The following PBX1 variants were observed in gnomAD, a reference collection of about 807,000 sequenced individuals.
PBX1 encodes PBX homeobox 1.
In PBX1, 6 loss-of-function variants were observed where a neutral mutation model predicts 53.4. The ratio of observed to expected loss-of-function variants is 0.11; its 90% confidence interval spans 0.06 to 0.22. The LOEUF (loss-of-function observed/expected upper bound fraction) is 0.22. Among genes scored for constraint, PBX1 ranks in the 10% least tolerant of loss-of-function variants. The probability of loss-of-function intolerance (pLI) is 1.00; values close to 1 mark genes in which losing one functional copy is unlikely to be tolerated. For missense variants in PBX1, 251 were observed against 551.4 expected, an observed-to-expected ratio of 0.46 and a Z score of 5.46; for synonymous variants, 204 against 212.3, an observed-to-expected ratio of 0.96 and a Z score of 0.34.
chr1:164,723,169 C>T (rs111740099), intron 2 of PBX1, among the ~76,000 whole-genome samples: 1 of 152,172 alleles, frequency 6.6e-6, no homozygotes, highest in African/African-American at 2.4e-5. Flanking sequence ...ATGCATCTGT[C>T]ACCCCCAAAT....
chr1:164,636,914 A>T (rs1658819086), intron 2 of PBX1, among the ~76,000 whole-genome samples: 1 of 152,104 alleles, frequency 6.6e-6, no homozygotes, highest in African/African-American at 2.4e-5. Flanking sequence ...TGGTAGGAGG[A>T]TGGCTTAGGA....
chr1:164,603,006 C>A (rs1213252119), intron 2 of PBX1, among the ~76,000 whole-genome samples: 1 of 152,084 alleles, frequency 6.6e-6, no homozygotes, highest in Non-Finnish European at 1.5e-5. Context: ...CTCCTTTCTT[C>A]TTTTTTCGTC....
chr1:164,805,665 A>C (rs1669314414), intron 4 of PBX1, among the ~76,000 whole-genome samples: 1 of 152,226 alleles, frequency 6.6e-6, no homozygotes, highest in Non-Finnish European at 1.5e-5. Context: ...TAGGCGAAGA[A>C]GAAAGAGAAG....
At chr1:164,636,601 G>A (rs1658797083) in intron 2 of PBX1, among the ~76,000 whole-genome samples, 1 of 152,080 alleles carries the variant, frequency 6.6e-6, no homozygotes, top group Non-Finnish European at 1.5e-5. Flanking sequence ...ATTGAACTTT[G>A]GACACCTAGT....
At chr1:164,575,036 T>C (rs575366703) in intron 2 of PBX1, among the ~76,000 whole-genome samples, 1 of 152,286 alleles carries the variant, frequency 6.6e-6, no homozygotes, top group East Asian at 1.9e-4. Context: ...TGGAGGCCAA[T>C]CCCAGTTTAA....
chr1:164,807,746 AG>A, intron 5 of PBX1, 69 bp downstream of exon 5: 1 of 1,555,694 alleles, frequency 6.4e-7, no homozygotes, highest in Non-Finnish European at 8.7e-7. Context: ...AGGCTCTTAG[AG>A]GTCTTGCTTT....
At position 164,798,250 on chromosome 1, in the gene PBX1, T is replaced by C. The variant is rs61802577; in HGVS notation, c.511-1449T>C. 7.7e-4 allele frequency among the ~76,000 whole-genome samples: 118 copies of C among 152,374 alleles called. 1 individual carries two copies. Among genetic ancestry groups the C allele is most frequent in the Non-Finnish European group, 1.1e-3 (77 of 68,040 alleles). Reference sequence around the variant, plus strand: ...GTCTACTATTGTTATTGTTATTGCGTTGTCGACACATATGACAACGGCAAT... The same window carrying C: ...GTCTACTATTGTTATTGTTATTGCGCTGTCGACACATATGACAACGGCAAT... On this transcript the variant is annotated intron_variant, in intron 3 of 8. Transcript: ENST00000420696.
At chr1:164,865,905 T>C (rs889339308) in intron 2 of PBX1, among the ~76,000 whole-genome samples, 4 of 152,172 alleles carry the variant, frequency 2.6e-5, no homozygotes, top group African/African-American at 9.7e-5. Flanking sequence ...CTTTGCTGCA[T>C]TAAAGTAAAA....
At chr1:164,648,037 G>C (rs1185679911) in intron 2 of PBX1, among the ~76,000 whole-genome samples, 2 of 151,954 alleles carry the variant, frequency 1.3e-5, no homozygotes, top group South Asian at 4.2e-4. Flanking sequence ...GGAAGGTCTC[G>C]ATCTCCTGAC....
At chr1:164,580,270 G>A (rs1274227601) in intron 2 of PBX1, among the ~76,000 whole-genome samples, 1 of 150,766 alleles carries the variant, frequency 6.6e-6, no homozygotes. Context: ...TCTGTTTTTA[G>A]AATCCACCTG....
rs1671796353 is a variant in PBX1, at chr1:164,850,752, G to T, written c.*4076G>T. On this transcript the variant is annotated 3_prime_UTR_variant, in exon 9 of 9. Transcript: ENST00000420696. The stretch of plus-strand genomic sequence containing the variant: ...GCAGTCCCTGAGAAAAATAAAATCA[G>T]GGACATACTTCTCCTTTTAGCCTTT... 4.9e-6 allele frequency: 1 copy of T among 202,872 alleles called. No homozygotes were observed. The highest frequency in any genetic ancestry group is 1.0e-5 in the Non-Finnish European group (1 of 98,778). 12.6% of individuals were successfully genotyped at this position (202,872 alleles called of 1,614,324 possible).
chr1:164,620,576 A>T (rs1415675105), intron 2 of PBX1, among the ~76,000 whole-genome samples: 1 of 152,158 alleles, frequency 6.6e-6, no homozygotes, highest in East Asian at 1.9e-4. Flanking sequence ...CGTGGCCTAA[A>T]ATCAGGTCTG....
intron 2 of PBX1, among the ~76,000 whole-genome samples, chr1:164,640,387 A>G (rs553169357): frequency 4.9e-4 from 74 of 152,250 alleles, no homozygotes; most frequent in African/African-American, 1.8e-3. Context: ...TCTCAGAACA[A>G]GGTAGGTCAG....
At chr1:164,587,807 G>C (rs1655054651) in intron 2 of PBX1, among the ~76,000 whole-genome samples, 4 of 152,128 alleles carry the variant, frequency 2.6e-5, no homozygotes, top group Admixed American at 6.5e-5. Context: ...CCACACCAGG[G>C]GGTGTCCCCA....
intron 8 of PBX1, among the ~76,000 whole-genome samples, chr1:164,823,648 C>T (rs945867514): frequency 1.3e-5 from 2 of 151,312 alleles, no homozygotes; most frequent in Admixed American, 1.3e-4. Flanking sequence ...ACCCCTCTGA[C>T]ATCATCTGGT....
chr1:164,682,209 T>C (rs775230975), intron 2 of PBX1: 1 of 152,256 alleles, frequency 6.6e-6, no homozygotes, highest in Non-Finnish European at 1.5e-5. Flanking sequence ...CCTACTTTTC[T>C]TTAATGCATT....
At chr1:164,620,655 C>A (rs929702739) in intron 2 of PBX1, among the ~76,000 whole-genome samples, 15 of 151,954 alleles carry the variant, frequency 9.9e-5, no homozygotes, top group Non-Finnish European at 1.8e-4. Flanking sequence ...AGAGGAAAGT[C>A]AAAGAAATGT....
intron 2 of PBX1, among the ~76,000 whole-genome samples, chr1:164,728,330 A>AG (rs1553236554): frequency 4.0e-5 from 6 of 149,506 alleles, no homozygotes; most frequent in South Asian, 4.2e-4. Flanking sequence ...AAAAAAAAAA[A>AG]AGAGAGAGAG....
intron 2 of PBX1, chr1:164,682,144 A>T (rs1295979339): frequency 2.0e-5 from 3 of 152,258 alleles, no homozygotes; most frequent in South Asian, 4.1e-4. Flanking sequence ...ATTAAAACAG[A>T]TGTGATCTAC....
Sources: gnomAD v4.1 joint callset for allele counts (sites outside exome capture counted in the v4.1 genomes callset) on GRCh38, gnomAD v4.1.1 for gene constraint, MANE v1.5 for transcripts, NCBI Gene and HGNC (gene_info 2026-07-23, HGNC 2026-07-21) for gene names.